The following RAB20 variants were observed in gnomAD, a reference collection of about 807,000 sequenced individuals.
RAB20 encodes the protein ras-related protein Rab-20.
Under a neutral mutation model 3.7 loss-of-function variants are expected in RAB20, and 2 were observed. That is an observed-to-expected ratio of 0.54 (90% CI 0.22 to 1.69). The LOEUF (loss-of-function observed/expected upper bound fraction) is 1.69. Ranked by LOEUF, RAB20 falls within the 40% of genes most tolerant of loss-of-function variation. RAB20 has a pLI of 0.19. For missense variants in RAB20, 276 were observed against 311.9 expected, an observed-to-expected ratio of 0.88 and a Z score of 0.87; for synonymous variants, 126 against 130.8, an observed-to-expected ratio of 0.96 and a Z score of 0.25.
chr13:110,553,377 A>C (rs1884989381), intron 1 of RAB20, among the ~76,000 whole-genome samples: 1 of 152,212 alleles, frequency 6.6e-6, no homozygotes, highest in South Asian at 2.1e-4. Context: ...CAACTGCTGA[A>C]TATTAAACCT....
chr13:110,561,666 C>T lies in RAB20; in HGVS notation c.-147G>A, dbSNP rs1012593415. On this transcript the variant is annotated 5_prime_UTR_variant, in exon 1 of 2. Coordinates refer to ENST00000267328, the MANE Select transcript of RAB20 (RefSeq NM_017817.3). ...TCCGGGACCTTCGCCTCCGGACGCC[C>T]GGGAGCTCAAGAGAGGAAGCGCGTG... The T allele has an allele frequency of 1.5e-6, 2 of 1,341,310 alleles. No homozygotes were observed. The highest frequency in any genetic ancestry group is 9.7e-7 in the Non-Finnish European group (1 of 1,032,636). The allele number at this position is 1,341,310 out of a possible 1,614,324, so 83.1% of individuals were successfully genotyped here. A position where few individuals can be genotyped will look rare whatever the true frequency, so the allele number is the denominator to read the frequency against.
At chr13:110,546,699 T>TG (rs1301873174) in intron 1 of RAB20, among the ~76,000 whole-genome samples, 2 of 102,122 alleles carry the variant, frequency 2.0e-5, no homozygotes, top group Non-Finnish European at 2.4e-5. Context: ...GCTGAACTTC[T>TG]GTTTTTTTTT....
Position 110,561,430 on chromosome 13 carries a change from G to C in RAB20, c.90C>G (p.Phe30Leu). ...SLLQRYMERRFPDTVSTVGGA... is the reference protein window; with the variant it reads ...SLLQRYMERRLPDTVSTVGGA... ...CGCCCACCGTGCTGACCGTGTCCGG[G>C]AAGCGCCGCTCCATATACCGCTGCA... Residue 30 changes from phenylalanine to leucine, a missense_variant, in exon 1 of 2, where the codon TTC becomes TTG. Physicochemically the swap from Phe to Leu is conservative, Grantham distance 22. Transcript: ENST00000267328. 1.9e-6 allele frequency: 3 copies of C among 1,609,888 alleles called. No individual in the cohort carries two copies. The highest frequency in any genetic ancestry group is 2.5e-6 in the Non-Finnish European group (3 of 1,178,082).
chr13:110,531,920 C>A (rs1884547587), intron 1 of RAB20, among the ~76,000 whole-genome samples: 1 of 152,178 alleles, frequency 6.6e-6, no homozygotes. Context: ...CCACAGTAAT[C>A]CTGATTCACT....
Position 110,548,195 on chromosome 13 carries a change from A to G in RAB20, c.172+13153T>C, listed in dbSNP as rs968100099. On this transcript the variant is annotated intron_variant, in intron 1 of 1. Transcript: ENST00000267328. ...TTTCTTTTATGGATTAGAAAACACC[A>G]TAATTCGGCCGGGCACGGTGGCTCA... Among the ~76,000 whole-genome samples the G allele has an allele frequency of 3.4e-5, 5 of 147,880 alleles. No individual in the cohort carries two copies. The South Asian group carries it at 6.4e-4, about 19-fold the overall frequency.
intron 1 of RAB20, among the ~76,000 whole-genome samples, chr13:110,554,884 G>A (rs1025384051): frequency 6.6e-6 from 1 of 152,086 alleles, no homozygotes; most frequent in Non-Finnish European, 1.5e-5. Context: ...TGGGAGGGAG[G>A]GACCTGATCC....
chr13:110,549,591 C>T (rs1478373176), intron 1 of RAB20, among the ~76,000 whole-genome samples: 3 of 152,224 alleles, frequency 2.0e-5, no homozygotes, highest in African/African-American at 4.8e-5. Flanking sequence ...GTCATTAGAC[C>T]CTCCTTCCAG....
chr13:110,530,053 G>A (rs1884504385), intron 1 of RAB20, among the ~76,000 whole-genome samples: 1 of 152,200 alleles, frequency 6.6e-6, no homozygotes, highest in Non-Finnish European at 1.5e-5. Flanking sequence ...CTTTAACCGT[G>A]AGTTCAGAGC....
At position 110,533,716 on chromosome 13, in the gene RAB20, C is replaced by T. The variant is rs568967663; in HGVS notation, c.173-9519G>A. Reference sequence around the variant, plus strand: ...AGAGAGAATGGGATGTGGAAGCAACCATCCCCTCAGGAGCATTAGAAAAGA... The same window carrying T: ...AGAGAGAATGGGATGTGGAAGCAACTATCCCCTCAGGAGCATTAGAAAAGA... On this transcript the variant is annotated intron_variant, in intron 1 of 1. Transcript: ENST00000267328. 3.2e-5 allele frequency among the ~76,000 whole-genome samples: 4 copies of T among 124,678 alleles called. No homozygotes were observed. The South Asian group carries it at 9.8e-4, about 30-fold the overall frequency. 81.8% of individuals were successfully genotyped at this position (124,678 alleles called of 152,430 possible).
intron 1 of RAB20, among the ~76,000 whole-genome samples, chr13:110,535,335 T>C (rs1884621691): frequency 6.9e-6 from 1 of 144,114 alleles, no homozygotes; most frequent in South Asian, 2.5e-4. Context: ...GAACCCACCC[T>C]GAACACCAGG....
chr13:110,523,614 G>T lies in RAB20; in HGVS notation c.*51C>A, dbSNP rs1284576546. The T allele has an allele frequency of 6.3e-7, 1 of 1,588,380 alleles. No homozygotes were observed. On this transcript the variant is annotated 3_prime_UTR_variant, in exon 2 of 2. Transcript: ENST00000267328. ...CTCCTTTCAGATCACAGCTTGCCTG[G>T]TCAGACCCCTTCCCAACATGCACAG...
At chr13:110,541,197 G>A (rs1334361347) in intron 1 of RAB20, among the ~76,000 whole-genome samples, 1 of 152,110 alleles carries the variant, frequency 6.6e-6, no homozygotes, top group Non-Finnish European at 1.5e-5. Context: ...CTCTCCACCT[G>A]GTCACGGTCA....
intron 1 of RAB20, among the ~76,000 whole-genome samples, chr13:110,547,247 A>G (rs1884869475): frequency 6.6e-6 from 1 of 152,190 alleles, no homozygotes; most frequent in African/African-American, 2.4e-5. Flanking sequence ...CCCCAAACAC[A>G]CTGAATCAGC....
At chr13:110,548,243 G>A (rs1176491413) in intron 1 of RAB20, among the ~76,000 whole-genome samples, 1 of 152,170 alleles carries the variant, frequency 6.6e-6, no homozygotes, top group African/African-American at 2.4e-5. Flanking sequence ...CAGCACTTTG[G>A]GAGGCCCAGG....
intron 1 of RAB20, among the ~76,000 whole-genome samples, chr13:110,543,119 C>A (rs1219805473): frequency 6.6e-6 from 1 of 152,090 alleles, no homozygotes. Context: ...CAGTTCAGGA[C>A]CTTTGCTCAT....
intron 1 of RAB20, among the ~76,000 whole-genome samples, chr13:110,533,203 C>A (rs933656494): frequency 6.6e-6 from 1 of 152,232 alleles, no homozygotes; most frequent in East Asian, 1.9e-4. Context: ...AAAAACACCA[C>A]GACATGCTTT....
intron 1 of RAB20, among the ~76,000 whole-genome samples, chr13:110,557,138 A>C (rs951562917): frequency 6.6e-6 from 1 of 152,174 alleles, no homozygotes; most frequent in Non-Finnish European, 1.5e-5. Flanking sequence ...TTACAGGTGG[A>C]AGCCTGGGGT....
chr13:110,529,589 C>T (rs989452271), intron 1 of RAB20, among the ~76,000 whole-genome samples: 14 of 152,184 alleles, frequency 9.2e-5, no homozygotes, highest in Admixed American at 7.2e-4. Context: ...AGAAAAATCA[C>T]AAATTGGTTC....
intron 1 of RAB20, among the ~76,000 whole-genome samples, chr13:110,535,393 C>A (rs1404671183): frequency 6.6e-6 from 1 of 152,200 alleles, no homozygotes; most frequent in Non-Finnish European, 1.5e-5. Flanking sequence ...TTGGAACAGG[C>A]ATGAAGGAGG....
Sources: gnomAD v4.1 joint callset for allele counts (sites outside exome capture counted in the v4.1 genomes callset) on GRCh38, gnomAD v4.1.1 for gene constraint, MANE v1.5 for transcripts, NCBI Gene and HGNC (gene_info 2026-07-23, HGNC 2026-07-21) for gene names.